Variants in HDLBP observed in about 807,000 individuals in gnomAD.
The protein encoded by HDLBP is vigilin.
HDLBP carries 30 observed loss-of-function variants against 137.3 expected under a neutral mutation model. That is an observed-to-expected ratio of 0.22 (90% confidence interval 0.16 to 0.30). The LOEUF (loss-of-function observed/expected upper bound fraction) is 0.30, where lower values mean the gene tolerates loss of function less well. HDLBP is among the 10% of genes least tolerant of loss of function. The probability of loss-of-function intolerance (pLI) is 1.00; values close to 1 mark genes in which losing one functional copy is unlikely to be tolerated. For synonymous variants in HDLBP, 606 were observed against 596.0 expected (o/e 1.02, Z -0.24); for missense variants, 1,119 against 1,667.3 (o/e 0.67, Z 5.73).
chr2:241,293,735 C>G (rs916761170), intron 1 of HDLBP, among the ~76,000 whole-genome samples: 2 of 151,724 alleles, frequency 1.3e-5, no homozygotes, highest in Non-Finnish European at 2.9e-5. Flanking sequence ...GCCTGGGCAA[C>G]ATAGCGAAAC....
chr2:241,304,821 A>G (rs2075516556), intron 1 of HDLBP, among the ~76,000 whole-genome samples: 1 of 152,234 alleles, frequency 6.6e-6, no homozygotes, highest in African/African-American at 2.4e-5. Context: ...AACGCTGGGT[A>G]AATCTGTCAA....
intron 5 of HDLBP, among the ~76,000 whole-genome samples, chr2:241,259,677 G>A (rs1423458016): frequency 1.3e-5 from 2 of 152,168 alleles, no homozygotes; most frequent in Non-Finnish European, 2.9e-5. Flanking sequence ...GTCTGACCAT[G>A]TTGCCCAGGC....
intron 1 of HDLBP, among the ~76,000 whole-genome samples, chr2:241,288,293 A>G (rs1354130639): frequency 2.0e-5 from 3 of 152,216 alleles, no homozygotes; most frequent in African/African-American, 7.2e-5. Flanking sequence ...ATGACTTTAC[A>G]TGAACCTATT....
chr2:241,295,274 T>C (rs919272475), intron 1 of HDLBP, among the ~76,000 whole-genome samples: 2 of 152,172 alleles, frequency 1.3e-5, no homozygotes, highest in African/African-American at 4.8e-5. Context: ...AAAAAGCTAA[T>C]AGTATAGTAT....
In HDLBP at chr2:241,236,615, C is replaced by T; in HGVS notation, c.2904G>A (p.Glu968=). The T allele has an allele frequency of 1.2e-6, 2 of 1,613,886 alleles. No homozygotes were observed. The highest frequency in any genetic ancestry group is 1.7e-6 in the Non-Finnish European group (2 of 1,179,850). ...TGGAGGGGGGCACATGGACACATACCTCCAGAGCTTCCTTGGCAGCCTCAC... is the reference window on the plus strand; with the variant it reads ...TGGAGGGGGGCACATGGACACATACTTCCAGAGCTTCCTTGGCAGCCTCAC... ...EKCEAAKEAL[E]ALVPVTIEVE... Residue 968 remains glutamate, a splice_region_variant and synonymous_variant, in exon 21 of 28, where the codon GAG becomes GAA. Coordinates refer to ENST00000310931, the MANE Select transcript of HDLBP (RefSeq NM_005336.6).
At chr2:241,303,295 C>G (rs1387184409) in intron 1 of HDLBP, among the ~76,000 whole-genome samples, 1 of 152,180 alleles carries the variant, frequency 6.6e-6, no homozygotes, top group African/African-American at 2.4e-5. Context: ...GGTGCAGGGT[C>G]CTCTCTCACA....
At position 241,256,166 on chromosome 2, in the gene HDLBP, C is replaced by G. The variant is rs182057195; in HGVS notation, c.873+18G>C. The G allele has an allele frequency of 1.2e-4, 188 of 1,606,292 alleles. No homozygotes were observed. The African/African-American group carries it at 2.0e-3, about 17-fold the overall frequency. The stretch of plus-strand genomic sequence containing the variant: ...TCTATTCCTGCCCATGGGGATTTGC[C>G]TCCTCTAAATCGTGTACCTTCTCCT... On this transcript the variant is annotated intron_variant, in intron 7 of 27. Transcript: ENST00000310931.
At chr2:241,234,245 A>G (rs760609237) in intron 23 of HDLBP, among the ~76,000 whole-genome samples, 2 of 152,240 alleles carry the variant, frequency 1.3e-5, no homozygotes, top group Non-Finnish European at 2.9e-5. Context: ...TGACAGAGCT[A>G]GGCAGTGAGT....
intron 1 of HDLBP, among the ~76,000 whole-genome samples, chr2:241,285,079 C>T (rs2074753148): frequency 6.6e-6 from 1 of 152,230 alleles, no homozygotes; most frequent in South Asian, 2.1e-4. Context: ...CGGGGTTTCA[C>T]CATGTTGGCC....
intron 1 of HDLBP, chr2:241,273,502 G>T: frequency 1.3e-6 from 1 of 752,056 alleles, no homozygotes; most frequent in Non-Finnish European, 1.6e-6. Context: ...CCCTACTCTC[G>T]GGGTCTCCAC....
At chr2:241,252,722 T>C (rs2072291913) in intron 11 of HDLBP, among the ~76,000 whole-genome samples, 1 of 152,126 alleles carries the variant, frequency 6.6e-6, no homozygotes, top group African/African-American at 2.4e-5. Flanking sequence ...CTTAGATGGA[T>C]TTCCAAAAGT....
chr2:241,263,691 A>G (rs1338367875), intron 4 of HDLBP, among the ~76,000 whole-genome samples: 2 of 152,212 alleles, frequency 1.3e-5, no homozygotes, highest in Non-Finnish European at 1.5e-5. Context: ...ATGAATTTAT[A>G]TAAAAGTTTT....
At chr2:241,279,272 C>G (rs1194736785) in intron 1 of HDLBP, among the ~76,000 whole-genome samples, 1 of 152,060 alleles carries the variant, frequency 6.6e-6, no homozygotes, top group Non-Finnish European at 1.5e-5. Context: ...AGATTTTATA[C>G]AATTTTTATT....
chr2:241,232,833 C>T (rs2069933520), intron 24 of HDLBP, among the ~76,000 whole-genome samples: 1 of 150,566 alleles, frequency 6.6e-6, no homozygotes, highest in South Asian at 2.1e-4. Context: ...AAGAACTAAA[C>T]TCTCAAGATC....
intron 1 of HDLBP, among the ~76,000 whole-genome samples, chr2:241,287,341 C>CA (rs2074853757): frequency 6.6e-6 from 1 of 151,810 alleles, no homozygotes; most frequent in Non-Finnish European, 1.5e-5. Context: ...AAACTTCTGA[C>CA]ACCGTGATCC....
intron 1 of HDLBP, among the ~76,000 whole-genome samples, chr2:241,280,382 G>A (rs2074549467): frequency 6.6e-6 from 1 of 152,072 alleles, no homozygotes. Context: ...TAAACTCCCA[G>A]CCCTAAAATA....
chr2:241,230,761 T>C lies in HDLBP; in HGVS notation c.3472A>G (p.Lys1158Glu), dbSNP rs2069650467. The change falls in exon 25 of 28, where the codon AAG (lysine) becomes GAG (glutamate). Residue 1158 changes from lysine to glutamate, a missense_variant and splice_region_variant. Around this residue, in one of 4 missense-constraint regions of HDLBP, gnomAD observed 618 missense variants for 816.7 expected, o/e 0.76. Coordinates refer to ENST00000310931, the MANE Select transcript of HDLBP (RefSeq NM_005336.6). This position sits in a 1 kb window ranked among gnomAD's most constrained non-coding sequence, Gnocchi z 5.0. ...KAIRKIMDEF[K>E]VDIRFPQSGA... The stretch of plus-strand genomic sequence containing the variant: ...CACTGTGCTTCCAGCCGGCTCACCT[T>C]GAATTCGTCCATGATTTTGCGAATG... 6.2e-7 allele frequency: 1 copy of C among 1,613,694 alleles called. No homozygotes were observed. Among genetic ancestry groups the C allele is most frequent in the Admixed American group, 1.7e-5 (1 of 60,004 alleles).
Position 241,233,704 on chromosome 2 carries a change from C to T in HDLBP, c.3288+116G>A. ...CCAGAATTAGGTCCTGAGAGACTTGCCACTCTCAACTTGGCCCTCGAACCC... is the reference window on the plus strand; with the variant it reads ...CCAGAATTAGGTCCTGAGAGACTTGTCACTCTCAACTTGGCCCTCGAACCC... On this transcript the variant is annotated intron_variant, in intron 24 of 27. Transcript: ENST00000310931. This position sits in a 1 kb window ranked among gnomAD's most constrained non-coding sequence, Gnocchi z 4.3. 9.0e-7 allele frequency: 1 copy of T among 1,115,992 alleles called. No homozygotes were observed. Among genetic ancestry groups the T allele is most frequent in the Admixed American group, 2.1e-5 (1 of 47,738 alleles). The allele number at this position is 1,115,992 out of a possible 1,614,324, so 69.1% of individuals were successfully genotyped here.
intron 10 of HDLBP, 48 bp downstream of exon 10, chr2:241,253,345 G>T: frequency 7.6e-7 from 1 of 1,319,746 alleles, no homozygotes. Flanking sequence ...GCCCAACTCA[G>T]AGCCTCCCTT....
Sources: gnomAD v4.1 joint callset for allele counts (sites outside exome capture counted in the v4.1 genomes callset) on GRCh38, gnomAD v4.1.1 for gene constraint, gnomAD v4.1.1 regional missense constraint, Gnocchi (gnomAD v3.1) non-coding constraint, MANE v1.5 for transcripts, NCBI Gene and HGNC (gene_info 2026-07-23, HGNC 2026-07-21) for gene names.